MRTFB: variants seen among roughly 807,000 people sequenced by gnomAD.
The protein encoded by MRTFB is myocardin related transcription factor B, also known as myocardin-related transcription factor B.
In MRTFB, 29 loss-of-function variants were observed where a neutral mutation model predicts 104.2. The ratio of observed to expected loss-of-function variants is 0.28; its 90% CI spans 0.21 to 0.38. The LOEUF (loss-of-function observed/expected upper bound fraction) is 0.38. Among genes scored for constraint, MRTFB ranks in the 10% least tolerant of loss-of-function variants. The probability of loss-of-function intolerance (pLI) is 1.00; values close to 1 mark genes in which losing one functional copy is unlikely to be tolerated. For synonymous variants in MRTFB, 535 were observed against 519.5 expected (o/e 1.03, Z -0.41); for missense variants, 1,270 against 1,341.6 (o/e 0.95, Z 0.83).
Position 14,265,004 on chromosome 16 carries a change from C to T in MRTFB, c.*3560C>T, listed in dbSNP as rs2043897335. On this transcript the variant is annotated 3_prime_UTR_variant, in exon 17 of 17. Transcript: ENST00000571589. ...AGTCCCTTTACTGTCCTCAAATGGACTTGGCCTTAGAGACGTGGTAAAGCA... is the reference window on the plus strand; with the variant it reads ...AGTCCCTTTACTGTCCTCAAATGGATTTGGCCTTAGAGACGTGGTAAAGCA... 1 of 152,226 alleles carries T rather than the reference C, an allele frequency of 6.6e-6. No individual in the cohort carries two copies. The highest frequency in any genetic ancestry group is 1.5e-5 in the Non-Finnish European group (1 of 68,042). The allele number at this position is 152,226 out of a possible 1,614,324, so 9.4% of individuals were successfully genotyped here. A position where few individuals can be genotyped will look rare whatever the true frequency, so the allele number is the denominator to read the frequency against.
chr16:14,259,713 C>T (rs542995778), intron 16 of MRTFB, among the ~76,000 whole-genome samples: 1 of 152,098 alleles, frequency 6.6e-6, no homozygotes, highest in East Asian at 1.9e-4. Context: ...ATCATGCCAC[C>T]GCACTCCAGC....
chr16:14,178,504 C>G (rs1158416770), intron 3 of MRTFB, among the ~76,000 whole-genome samples: 8 of 152,124 alleles, frequency 5.3e-5, no homozygotes, highest in African/African-American at 1.7e-4. Flanking sequence ...TATTCTCTAC[C>G]TTTGCCGTAA....
intron 7 of MRTFB, 127 bp from the exon 8 acceptor site, chr16:14,218,693 A>G: frequency 1.1e-6 from 1 of 886,522 alleles, no homozygotes; most frequent in East Asian, 2.7e-5. Flanking sequence ...TGGGAGGTAC[A>G]TTGTGTTCAA....
chr16:14,209,618 C>A (rs954943041), intron 3 of MRTFB, among the ~76,000 whole-genome samples: 1 of 152,136 alleles, frequency 6.6e-6, no homozygotes, highest in African/African-American at 2.4e-5. Context: ...TCTGCCAGTT[C>A]TAATAATTTA....
chr16:14,141,399 T>C (rs1345976170), intron 3 of MRTFB: 1 of 152,242 alleles, frequency 6.6e-6, no homozygotes, highest in African/African-American at 2.4e-5. Context: ...AGATGACATA[T>C]ACTTTTAATA....
At chr16:14,044,070 C>T in the MRTFB span, among the ~76,000 whole-genome samples, 5 of 152,160 alleles carry the variant, frequency 3.3e-5, no homozygotes, top group African/African-American at 7.2e-5. Flanking sequence ...CACCAAAACA[C>T]GCTGGAGCCT....
chr16:14,217,359 T>C, intron 7 of MRTFB, 72 bp downstream of exon 7: 2 of 1,367,230 alleles, frequency 1.5e-6, no homozygotes, highest in Non-Finnish European at 1.0e-6. Context: ...ACAAATATAA[T>C]TTAAAGGCTA....
chr16:14,235,229 G>T (rs1417240955), intron 9 of MRTFB, among the ~76,000 whole-genome samples: 1 of 152,184 alleles, frequency 6.6e-6, no homozygotes, highest in East Asian at 1.9e-4. Flanking sequence ...TGACCTTTCT[G>T]GAGAGAAGGC....
At chr16:14,100,105 T>C (rs777397126) in intron 2 of MRTFB, among the ~76,000 whole-genome samples, 1 of 152,250 alleles carries the variant, frequency 6.6e-6, no homozygotes, top group Non-Finnish European at 1.5e-5. Context: ...TCTTGCCTTA[T>C]TGAACGAGCA....
chr16:14,186,118 A>G (rs1356470096), intron 3 of MRTFB, among the ~76,000 whole-genome samples: 1 of 152,250 alleles, frequency 6.6e-6, no homozygotes, highest in African/African-American at 2.4e-5. Context: ...GCACTAAGAA[A>G]AACTGCTGCT....
chr16:14,119,810 T>C (rs1235490794), intron 2 of MRTFB, among the ~76,000 whole-genome samples: 1 of 152,206 alleles, frequency 6.6e-6, no homozygotes, highest in Non-Finnish European at 1.5e-5. Flanking sequence ...AATAATGGCC[T>C]CGCATAGCAG....
intron 3 of MRTFB, among the ~76,000 whole-genome samples, chr16:14,171,927 A>G (rs781296353): frequency 6.6e-6 from 1 of 152,194 alleles, no homozygotes; most frequent in Non-Finnish European, 1.5e-5. Flanking sequence ...AAAAGTTGTT[A>G]AGGTTGATTC....
chr16:14,157,853 T>C (rs1397148151), intron 3 of MRTFB, among the ~76,000 whole-genome samples: 2 of 152,212 alleles, frequency 1.3e-5, no homozygotes, highest in African/African-American at 4.8e-5. Context: ...ATTAGAATTG[T>C]CAATGTATAA....
At chr16:14,036,438 TTA>T in the MRTFB span, among the ~76,000 whole-genome samples, 8 of 145,506 alleles carry the variant, frequency 5.5e-5, no homozygotes, top group Non-Finnish European at 4.5e-5. Flanking sequence ...CCAGTTAGAC[TTA>T]TATATATATA....
At chr16:14,152,755 T>C (rs567182440) in intron 3 of MRTFB, 15 of 152,332 alleles carry the variant, frequency 9.8e-5, no homozygotes, top group African/African-American at 2.9e-4. Flanking sequence ...GCATTCCACA[T>C]TGGGAGGACC....
chr16:14,129,069 A>C (rs752067824), intron 2 of MRTFB, among the ~76,000 whole-genome samples: 1 of 152,236 alleles, frequency 6.6e-6, no homozygotes, highest in Admixed American at 6.5e-5. Context: ...AGATTCAGGC[A>C]TGTTGTTTCA....
chr16:14,249,331 A>G (rs1029011742), intron 13 of MRTFB, among the ~76,000 whole-genome samples: 94 of 152,368 alleles, frequency 6.2e-4, no homozygotes, highest in African/African-American at 2.2e-3. Context: ...TCCAAGGGAA[A>G]GTTTCAAAAG....
chr16:14,230,114 C>T (rs1262465352), intron 8 of MRTFB, among the ~76,000 whole-genome samples: 1 of 151,956 alleles, frequency 6.6e-6, no homozygotes, highest in Non-Finnish European at 1.5e-5. Flanking sequence ...TTCCTTACAC[C>T]TTATACAAAA....
chr16:14,245,441 T>C, intron 10 of MRTFB, 87 bp from the exon 11 acceptor site: 1 of 1,187,126 alleles, frequency 8.4e-7, no homozygotes, highest in Non-Finnish European at 1.2e-6. Context: ...ATTTTTCTCT[T>C]CATAAGTTAG....
Sources: allele counts gnomAD v4.1 joint callset (sites outside exome capture counted in the v4.1 genomes callset), GRCh38; gene constraint gnomAD v4.1.1; transcripts MANE v1.5; gene names NCBI Gene and HGNC (gene_info 2026-07-23, HGNC 2026-07-21).